Variants in CSGALNACT1 observed in about 807,000 individuals in gnomAD.
CSGALNACT1 encodes the protein chondroitin sulfate N-acetylgalactosaminyltransferase 1.
Under a neutral mutation model 51.0 loss-of-function variants are expected in CSGALNACT1, and 52 were observed. The ratio of observed to expected loss-of-function variants is 1.02; its 90% CI spans 0.82 to 1.29. The LOEUF is 1.29. Ranked by LOEUF, CSGALNACT1 falls within the 50% of genes most tolerant of loss-of-function variation. The pLI, the probability that CSGALNACT1 is intolerant of heterozygous loss-of-function variation, is 0.00. For synonymous variants in CSGALNACT1, 341 were observed against 254.4 expected (o/e 1.34, Z -3.24); for missense variants, 935 against 679.2 (o/e 1.38, Z -4.19).
intron 6 of CSGALNACT1, among the ~76,000 whole-genome samples, chr8:19,434,565 T>A (rs2060101042): frequency 6.6e-6 from 1 of 152,160 alleles, no homozygotes; most frequent in South Asian, 2.1e-4. Flanking sequence ...TACATCATAA[T>A]TTATATAGCA....
intron 1 of CSGALNACT1, among the ~76,000 whole-genome samples, chr8:19,666,811 G>GAAAGAAAGAA (rs35734602): frequency 0.021 from 547 of 26,338 alleles, 17 homozygotes; most frequent in East Asian, 0.032. Flanking sequence ...AAGAAAGAAA[G>GAAAGAAAGAA]AGAGAGAGAG....
intron 1 of CSGALNACT1, among the ~76,000 whole-genome samples, chr8:19,654,178 T>C (rs1339432548): frequency 2.6e-5 from 4 of 152,192 alleles, no homozygotes; most frequent in African/African-American, 7.2e-5. Flanking sequence ...AAGTCAGTAA[T>C]AGTCACTGAA....
At chr8:19,471,366 C>CT (rs934216362) in intron 4 of CSGALNACT1, among the ~76,000 whole-genome samples, 5 of 152,128 alleles carry the variant, frequency 3.3e-5, no homozygotes, top group South Asian at 2.1e-4. Context: ...CCCTCCTTTT[C>CT]TTTTTTTTCA....
chr8:19,554,013 G>A (rs2089009967), intron 3 of CSGALNACT1, among the ~76,000 whole-genome samples: 1 of 151,872 alleles, frequency 6.6e-6, no homozygotes, highest in African/African-American at 2.4e-5. Flanking sequence ...CTAATTTCCA[G>A]TTTGTCCATT....
chr8:19,481,015 T>A (rs2071232065), intron 4 of CSGALNACT1, among the ~76,000 whole-genome samples: 1 of 152,210 alleles, frequency 6.6e-6, no homozygotes, highest in Non-Finnish European at 1.5e-5. Context: ...TGAGGTCATC[T>A]GCCCGTCCAA....
intron 1 of CSGALNACT1, among the ~76,000 whole-genome samples, chr8:19,681,799 G>C (rs2060640687): frequency 6.6e-6 from 1 of 152,160 alleles, no homozygotes. Context: ...ACCATGCTCA[G>C]AAGGCACTGC....
intron 3 of CSGALNACT1, among the ~76,000 whole-genome samples, chr8:19,534,277 C>G (rs2083330274): frequency 6.6e-6 from 1 of 152,034 alleles, no homozygotes; most frequent in Non-Finnish European, 1.5e-5. Context: ...CACTGTGACA[C>G]CTCATCTCTA....
At chr8:19,582,853 G>C (rs1437248580) in intron 3 of CSGALNACT1, among the ~76,000 whole-genome samples, 1 of 151,978 alleles carries the variant, frequency 6.6e-6, no homozygotes, top group African/African-American at 2.4e-5. Context: ...GTATGAACTG[G>C]GTTTGCTATT....
At chr8:19,527,234 G>A (rs1270731903) in intron 3 of CSGALNACT1, among the ~76,000 whole-genome samples, 2 of 152,158 alleles carry the variant, frequency 1.3e-5, no homozygotes, top group Non-Finnish European at 1.5e-5. Context: ...CTAACCTCAC[G>A]CATTCAGAAA....
At chr8:19,496,527 G>C (rs2075494082) in intron 4 of CSGALNACT1, among the ~76,000 whole-genome samples, 1 of 152,170 alleles carries the variant, frequency 6.6e-6, no homozygotes, top group South Asian at 2.1e-4. Flanking sequence ...TTATAAAGGA[G>C]TTTCAGACTT....
intron 1 of CSGALNACT1, among the ~76,000 whole-genome samples, chr8:19,755,474 A>AAAAAAAAAAAAAAAAAAC (rs1198641722): frequency 1.3e-5 from 2 of 150,202 alleles, no homozygotes; most frequent in South Asian, 2.1e-4. Flanking sequence ...AAAAAAAAAA[A>AAAAAAAAAAAAAAAAAAC]AAAAAAAGAC....
chr8:19,531,053 G>T (rs547249162), intron 3 of CSGALNACT1, among the ~76,000 whole-genome samples: 62 of 151,722 alleles, frequency 4.1e-4, no homozygotes, highest in African/African-American at 1.3e-3. Flanking sequence ...GTGGTTTCTT[G>T]CTAAGGCTTC....
intron 3 of CSGALNACT1, among the ~76,000 whole-genome samples, chr8:19,516,651 G>C (rs565799210): frequency 2.0e-5 from 3 of 152,356 alleles, no homozygotes; most frequent in East Asian, 1.9e-4. Context: ...ACTAGGGCCA[G>C]GCAGAATATC....
chr8:19,524,375 T>C (rs2081275446), intron 3 of CSGALNACT1, among the ~76,000 whole-genome samples: 1 of 152,212 alleles, frequency 6.6e-6, no homozygotes. Context: ...GTTATTTTAA[T>C]AAAAAGACGA....
chr8:19,615,610 G>A (rs2052894549), intron 1 of CSGALNACT1, among the ~76,000 whole-genome samples: 1 of 152,134 alleles, frequency 6.6e-6, no homozygotes, highest in South Asian at 2.1e-4. Context: ...TTTTCCAACT[G>A]GAAAACATAT....
chr8:19,428,538 C>A lies in CSGALNACT1; in HGVS notation c.954-8020G>T, dbSNP rs149712064. 2.9e-3 allele frequency among the ~76,000 whole-genome samples: 438 copies of A among 152,186 alleles called. 7 individuals carry two copies. The South Asian group carries it at 0.038, about 13-fold the overall frequency. ...TCCCTCCCACAACACGTGGGAATTA[C>A]GGGAGCTACAGTTCAAGATGAGACT... On this transcript the variant is annotated intron_variant, in intron 6 of 9. Transcript: ENST00000454498.
chr8:19,510,838 G>A (rs1169861042), intron 3 of CSGALNACT1, among the ~76,000 whole-genome samples: 1 of 152,202 alleles, frequency 6.6e-6, no homozygotes, highest in Non-Finnish European at 1.5e-5. Context: ...ATCTCAGAAG[G>A]TAAAACAAAG....
chr8:19,595,007 C>A (rs1368577541), intron 2 of CSGALNACT1, among the ~76,000 whole-genome samples: 1 of 152,148 alleles, frequency 6.6e-6, no homozygotes, highest in South Asian at 2.1e-4. Context: ...AAGTTTTTAT[C>A]GTATATGAGA....
In CSGALNACT1 at chr8:19,455,676, A is replaced by G. The variant is rs78815279; in HGVS notation, c.851+2750T>C. On this transcript the variant is annotated intron_variant, in intron 5 of 9. Coordinates refer to ENST00000454498, the Ensembl canonical transcript of CSGALNACT1. The stretch of plus-strand genomic sequence containing the variant: ...CCTCTCGCATCCCAGTTTTTCAGAG[A>G]CATCAACAGTCTCAGAAATGCCTTG... Among the ~76,000 whole-genome samples, 857 of 152,272 alleles carry G rather than the reference A, an allele frequency of 5.6e-3. 3 individuals carry two copies. Among genetic ancestry groups the G allele is most frequent in the Admixed American group, 0.011 (164 of 15,296 alleles).
Sources: gnomAD v4.1 joint callset for allele counts (sites outside exome capture counted in the v4.1 genomes callset) on GRCh38, gnomAD v4.1.1 for gene constraint, MANE v1.5 for transcripts, NCBI Gene and HGNC (gene_info 2026-07-23, HGNC 2026-07-21) for gene names.